DDX10: variants seen among roughly 807,000 people sequenced by gnomAD.
DDX10 encodes probable ATP-dependent RNA helicase DDX10.
DDX10 carries 74 observed loss-of-function variants against 104.3 expected under a neutral mutation model. The observed-to-expected ratio is 0.71, with a 90% CI of 0.59 to 0.86. The LOEUF is 0.86. Among genes scored for constraint, DDX10 ranks in the 40% least tolerant of loss-of-function variants. The pLI is 0.00. For missense variants in DDX10, 952 were observed against 1,040.0 expected (o/e 0.92, Z 1.16); for synonymous variants, 351 against 353.4 (o/e 0.99, Z 0.08).
chr11:108,911,991 C>T lies in DDX10; in HGVS notation c.2305-5882C>T, dbSNP rs183540060. Among the ~76,000 whole-genome samples, 30 of 152,196 alleles carry T rather than the reference C, an allele frequency of 2.0e-4. No homozygotes were observed. In the East Asian group the frequency reaches 5.2e-3, roughly 26 times the overall value. On this transcript the variant is annotated intron_variant, in intron 16 of 17. Transcript: ENST00000322536. ...ATATTTAAGAGAGGTCTGATGTGTA[C>T]GACTAAGCTTCTGTGTATATTCTCT...
intron 13 of DDX10, among the ~76,000 whole-genome samples, chr11:108,814,915 A>G (rs1055991354): frequency 1.3e-5 from 2 of 152,216 alleles, no homozygotes; most frequent in Non-Finnish European, 2.9e-5. Context: ...CTGGGAGCAT[A>G]GATGAGGGCT....
rs533585522 is a variant in DDX10 at position 108,895,249 on chromosome 11, T to G, written c.2305-22624T>G. On this transcript the variant is annotated intron_variant, in intron 16 of 17. Coordinates refer to ENST00000322536, the MANE Select transcript of DDX10 (RefSeq NM_004398.4). ...TTGCCAGAGCATTACATATCATCAC[T>G]GAATAAGTGATTTTTTTTTTTGCTT... Among the ~76,000 whole-genome samples, 418 of 151,938 alleles carry G rather than the reference T, an allele frequency of 2.8e-3. 1 individual carries two copies. The highest frequency in any genetic ancestry group is 4.2e-3 in the Non-Finnish European group (286 of 67,864).
intron 16 of DDX10, among the ~76,000 whole-genome samples, chr11:108,855,190 A>G (rs1862848755): frequency 6.6e-6 from 1 of 152,222 alleles, no homozygotes; most frequent in South Asian, 2.1e-4. Flanking sequence ...TTAAACTAAG[A>G]TCTAGAAAAA....
At chr11:108,690,900 G>A (rs1241238037) in intron 7 of DDX10, 1 of 156,866 alleles carries the variant, frequency 6.4e-6, no homozygotes, top group Non-Finnish European at 1.4e-5. Context: ...CGAAGCCTCT[G>A]TGGTTTCCAA....
At chr11:108,779,397 T>C (rs917958303) in intron 13 of DDX10, among the ~76,000 whole-genome samples, 1 of 152,204 alleles carries the variant, frequency 6.6e-6, no homozygotes, top group Non-Finnish European at 1.5e-5. Context: ...GGGACATGGA[T>C]GAAGCCGGAA....
At chr11:108,732,117 T>C (rs2094313057) in intron 13 of DDX10, among the ~76,000 whole-genome samples, 1 of 152,186 alleles carries the variant, frequency 6.6e-6, no homozygotes, top group African/African-American at 2.4e-5. Flanking sequence ...TAGGAACCCA[T>C]TGGATTGTAG....
rs1204943547 is a variant in DDX10, at chr11:108,821,883, C to G, written c.1966-16563C>G. On this transcript the variant is annotated intron_variant, in intron 13 of 17. Coordinates refer to ENST00000322536, the MANE Select transcript of DDX10 (RefSeq NM_004398.4). ...AAAAATATAAAGTAGACATTGCCAC[C>G]TTATCTTCAACTCTTGCCTTTAAGA... 2.0e-5 allele frequency among the ~76,000 whole-genome samples: 3 copies of G among 152,134 alleles called. No homozygotes were observed. The East Asian group carries it at 5.8e-4, about 29-fold the overall frequency.
At position 108,814,140 on chromosome 11, in the gene DDX10, G is replaced by A. The variant is rs576978966; in HGVS notation, c.1966-24306G>A. The stretch of plus-strand genomic sequence containing the variant: ...CCCAAAGCTTTATTAGGAAGTATAG[G>A]GTAATATGTATTCCAGAAAGGTTAC... On this transcript the variant is annotated intron_variant, in intron 13 of 17. Coordinates refer to ENST00000322536, the MANE Select transcript of DDX10 (RefSeq NM_004398.4). Among the ~76,000 whole-genome samples the A allele has an allele frequency of 7.9e-5, 12 of 152,144 alleles. No homozygotes were observed. The South Asian group carries it at 2.5e-3, about 32-fold the overall frequency.
Position 108,868,579 on chromosome 11 carries a change from C to T in DDX10, c.2304+16370C>T, listed in dbSNP as rs539477159. On this transcript the variant is annotated intron_variant, in intron 16 of 17. Transcript: ENST00000322536. ...AATCCACTGATGGCTTCATGATACA[C>T]TGAGTTGATACTCTAATGAGTTTGA... is the stretch of plus-strand genomic sequence containing the variant. 2.6e-5 allele frequency among the ~76,000 whole-genome samples: 4 copies of T among 152,170 alleles called. No individual in the cohort carries two copies. The East Asian group carries it at 7.7e-4, about 29-fold the overall frequency.
chr11:108,724,191 A>G (rs1190170665), intron 13 of DDX10, among the ~76,000 whole-genome samples: 1 of 152,032 alleles, frequency 6.6e-6, no homozygotes, highest in East Asian at 1.9e-4. Context: ...TCTTTATACA[A>G]TGTTGAATAA....
At chr11:108,717,205 A>G (rs565944363) in intron 11 of DDX10, among the ~76,000 whole-genome samples, 1 of 152,372 alleles carries the variant, frequency 6.6e-6, no homozygotes, top group African/African-American at 2.4e-5. Flanking sequence ...AGTTATAGAA[A>G]GGTCACCCTA....
intron 13 of DDX10, among the ~76,000 whole-genome samples, chr11:108,729,033 T>G (rs2094308718): frequency 6.6e-6 from 1 of 152,172 alleles, no homozygotes; most frequent in Non-Finnish European, 1.5e-5. Flanking sequence ...TCCTTCACTT[T>G]CACTACTCTC....
intron 16 of DDX10, among the ~76,000 whole-genome samples, chr11:108,912,193 C>T (rs974637243): frequency 2.0e-5 from 3 of 152,104 alleles, no homozygotes; most frequent in African/African-American, 7.2e-5. Context: ...GATGGCTTCT[C>T]ACGTGGTGGA....
intron 16 of DDX10, among the ~76,000 whole-genome samples, chr11:108,898,748 A>G (rs1247392104): frequency 2.6e-5 from 4 of 152,068 alleles, no homozygotes; most frequent in African/African-American, 9.7e-5. Flanking sequence ...GGTAAGAAAT[A>G]CTTACACTCT....
intron 13 of DDX10, among the ~76,000 whole-genome samples, chr11:108,828,024 C>A (rs1226424590): frequency 6.6e-6 from 1 of 152,168 alleles, no homozygotes; most frequent in Non-Finnish European, 1.5e-5. Flanking sequence ...CAGAACTTTT[C>A]ATTTTTCAGA....
chr11:108,709,152 C>T (rs2094280651), intron 10 of DDX10, among the ~76,000 whole-genome samples: 1 of 152,174 alleles, frequency 6.6e-6, no homozygotes, highest in African/African-American at 2.4e-5. Flanking sequence ...GAGGGGACAT[C>T]ATTGCTTTTT....
At chr11:108,806,082 C>T (rs1384606908) in intron 13 of DDX10, among the ~76,000 whole-genome samples, 1 of 152,126 alleles carries the variant, frequency 6.6e-6, no homozygotes, top group African/African-American at 2.4e-5. Flanking sequence ...CTGCCTCAGC[C>T]TCCTGAGTAG....
At chr11:108,669,180 A>T (rs1279047409) in intron 1 of DDX10, among the ~76,000 whole-genome samples, 2 of 150,792 alleles carry the variant, frequency 1.3e-5, no homozygotes, top group Non-Finnish European at 3.0e-5. Context: ...TGTAGCCTTG[A>T]CCTCCTGGGC....
chr11:108,803,111 C>T (rs894561839), intron 13 of DDX10, among the ~76,000 whole-genome samples: 7 of 152,136 alleles, frequency 4.6e-5, no homozygotes, highest in African/African-American at 1.4e-4. Context: ...GCTTATTTCA[C>T]AGTTTCTTTT....
Sources: gnomAD v4.1 joint callset for allele counts (sites outside exome capture counted in the v4.1 genomes callset) on GRCh38, gnomAD v4.1.1 for gene constraint, MANE v1.5 for transcripts, NCBI Gene and HGNC (gene_info 2026-07-23, HGNC 2026-07-21) for gene names.